Variants in SLC9A3 observed in about 807,000 individuals in gnomAD.
The protein encoded by SLC9A3 is solute carrier family 9 member A3, also known as sodium/hydrogen exchanger 3.
Under a neutral mutation model 86.8 loss-of-function variants are expected in SLC9A3, and 37 were observed. The observed-to-expected ratio is 0.43, with a 90% CI of 0.33 to 0.56. The LOEUF (loss-of-function observed/expected upper bound fraction) is 0.56. Among genes scored for constraint, SLC9A3 ranks in the 20% least tolerant of loss-of-function variants. The pLI is 0.06. For missense variants in SLC9A3, 1,011 were observed against 1,171.9 expected (o/e 0.86, Z 2.00); for synonymous variants, 581 against 528.3 (o/e 1.10, Z -1.37).
intron 1 of SLC9A3, among the ~76,000 whole-genome samples, chr5:521,799 C>T (rs1733891495): frequency 6.6e-6 from 1 of 152,166 alleles, no homozygotes; most frequent in Admixed American, 6.5e-5. Flanking sequence ...GCACCTGAGG[C>T]TGGCTGCACA....
chr5:523,290 C>A (rs973047336), intron 1 of SLC9A3, among the ~76,000 whole-genome samples: 1 of 152,174 alleles, frequency 6.6e-6, no homozygotes, highest in Non-Finnish European at 1.5e-5. Context: ...CGCCCCTCCT[C>A]GGCCCCAGCA....
At chr5:512,560 A>G (rs1733585650) in intron 1 of SLC9A3, among the ~76,000 whole-genome samples, 1 of 152,202 alleles carries the variant, frequency 6.6e-6, no homozygotes, top group Non-Finnish European at 1.5e-5. Context: ...TATCACACCA[A>G]TGCCACCTGT....
chr5:487,827 C>T (rs577849470), intron 3 of SLC9A3, among the ~76,000 whole-genome samples: 2 of 152,342 alleles, frequency 1.3e-5, no homozygotes, highest in Non-Finnish European at 2.9e-5. Flanking sequence ...GCCACCACCC[C>T]TGGCTAATTT....
chr5:472,069 G>A lies in SLC9A3; in HGVS notation c.*1310C>T, dbSNP rs1000301955. 1 of 450,034 alleles carries A rather than the reference G, an allele frequency of 2.2e-6. No individual in the cohort carries two copies. Among genetic ancestry groups the A allele is most frequent in the African/African-American group, 2.0e-5 (1 of 50,008 alleles). The allele number at this position is 450,034 out of a possible 1,614,324, so 27.9% of individuals were successfully genotyped here. A position where few individuals can be genotyped will look rare whatever the true frequency, so the allele number is the denominator to read the frequency against. ...TCCACCACTTCCACCGTGCAGGCAGGTTTCAGGTGGGTTGGACCCTGTGGG... is the reference window on the plus strand; with the variant it reads ...TCCACCACTTCCACCGTGCAGGCAGATTTCAGGTGGGTTGGACCCTGTGGG... On this transcript the variant is annotated 3_prime_UTR_variant, in exon 17 of 17. Coordinates refer to ENST00000264938, the MANE Select transcript of SLC9A3 (RefSeq NM_004174.4).
In SLC9A3 at chr5:484,687, G is replaced by A. The variant is rs1451616495; in HGVS notation, c.765C>T (p.Phe255=). 24 of 1,612,954 alleles carry A rather than the reference G, an allele frequency of 1.5e-5. No homozygotes were observed. Among genetic ancestry groups the A allele is most frequent in the Non-Finnish European group, 1.9e-5 (23 of 1,179,924 alleles). ...CCAGCGTGCCCCCCAGGCTCACCAC[G>A]AAGAAGGACACTGGGTAGAGGACGC... ...VDCVKGIVSF[F]VVSLGGTLVG... is the part of the protein sequence containing the mutation. Residue 255 remains phenylalanine (F), a synonymous_variant, in exon 5 of 17, where the codon TTC becomes TTT. Coordinates refer to ENST00000264938, the MANE Select transcript of SLC9A3 (RefSeq NM_004174.4).
At chr5:518,760 G>A (rs1490747732) in intron 1 of SLC9A3, among the ~76,000 whole-genome samples, 5 of 152,182 alleles carry the variant, frequency 3.3e-5, no homozygotes, top group Admixed American at 6.5e-5. Context: ...GCCCAGACAG[G>A]CATCTTAACA....
chr5:482,513 G>A (rs1349383270), intron 7 of SLC9A3, 35 bp downstream of exon 7: 2 of 1,560,780 alleles, frequency 1.3e-6, no homozygotes, highest in Non-Finnish European at 1.8e-6. Flanking sequence ...CGCGGGCGGG[G>A]CCGAGACCCC....
In SLC9A3 at chr5:472,511, C is replaced by T; in HGVS notation, c.*868G>A. On this transcript the variant is annotated 3_prime_UTR_variant, in exon 17 of 17. Coordinates refer to ENST00000264938, the MANE Select transcript of SLC9A3 (RefSeq NM_004174.4). ...CGGGCGACCTCCGCGCCAGGTGCGA[C>T]AGCTCAGGCCGGAGACCTCGTCTGT... 1 of 335,870 alleles carries T rather than the reference C, an allele frequency of 3.0e-6. No individual in the cohort carries two copies. Among genetic ancestry groups the T allele is most frequent in the South Asian group, 2.1e-5 (1 of 47,268 alleles). 20.8% of individuals were successfully genotyped at this position (335,870 alleles called of 1,614,324 possible).
chr5:500,611 G>A (rs911316912), intron 1 of SLC9A3, among the ~76,000 whole-genome samples: 18 of 146,082 alleles, frequency 1.2e-4, no homozygotes, highest in Non-Finnish European at 1.5e-4. Flanking sequence ...GGAAGGGGCC[G>A]GTGTGGATGG....
chr5:484,709 A>G lies in SLC9A3; in HGVS notation c.755-12T>C. 1 of 1,611,408 alleles carries G rather than the reference A, an allele frequency of 6.2e-7. No individual in the cohort carries two copies. The highest frequency in any genetic ancestry group is 8.5e-7 in the Non-Finnish European group (1 of 1,178,810). On this transcript the variant is annotated splice_polypyrimidine_tract_variant and intron_variant, in intron 4 of 16. Coordinates refer to ENST00000264938, the MANE Select transcript of SLC9A3 (RefSeq NM_004174.4). ...CACGAAGAAGGACACTGGGTAGAGG[A>G]CGCCCTTTGTGGCCGTGCCGGCCTT...
rs557394751 is a variant in SLC9A3 at position 496,444 on chromosome 5, G to A, written c.212-4373C>T. 6.6e-6 allele frequency among the ~76,000 whole-genome samples: 1 copy of A among 152,372 alleles called. No homozygotes were observed. The highest frequency in any genetic ancestry group is 1.9e-4 in the East Asian group (1 of 5,190). ...GCGTGAACGACCCCGTTCTGTGAAAGTGTCGGCTTGCTCCCCTGCCGGGCA... is the reference window on the plus strand; with the variant it reads ...GCGTGAACGACCCCGTTCTGTGAAAATGTCGGCTTGCTCCCCTGCCGGGCA... On this transcript the variant is annotated intron_variant, in intron 1 of 16. Transcript: ENST00000264938. This position sits in a 1 kb window ranked among gnomAD's most constrained non-coding sequence, Gnocchi z 4.7.
chr5:511,846 A>G (rs946195795), intron 1 of SLC9A3, among the ~76,000 whole-genome samples: 12 of 152,272 alleles, frequency 7.9e-5, no homozygotes, highest in African/African-American at 2.9e-4. Flanking sequence ...AGCTTTATTC[A>G]TAATCACCAA....
chr5:523,538 G>C (rs973083213), intron 1 of SLC9A3, among the ~76,000 whole-genome samples: 1 of 150,936 alleles, frequency 6.6e-6, no homozygotes, highest in Non-Finnish European at 1.5e-5. Flanking sequence ...GCTACCTGCC[G>C]TGCCCACATT....
At chr5:500,846 G>T (rs950687876) in intron 1 of SLC9A3, among the ~76,000 whole-genome samples, 2 of 151,342 alleles carry the variant, frequency 1.3e-5, no homozygotes, top group African/African-American at 4.9e-5. Flanking sequence ...TGTGGACGGG[G>T]CTGGTGTGGA....
At chr5:477,515 G>A in intron 10 of SLC9A3, 71 bp from the exon 11 acceptor site, 1 of 1,184,646 alleles carries the variant, frequency 8.4e-7, no homozygotes, top group East Asian at 2.7e-5. Context: ...GTGTGCCCTG[G>A]GGGGAAGCGC....
At chr5:478,725 C>T (rs1238399028) in intron 10 of SLC9A3, 1 of 154,598 alleles carries the variant, frequency 6.5e-6, no homozygotes, top group African/African-American at 2.4e-5. Context: ...GGCCAGAGCC[C>T]CCACTGTCCC....
intron 1 of SLC9A3, among the ~76,000 whole-genome samples, chr5:511,407 G>A (rs775416200): frequency 2.6e-5 from 4 of 152,134 alleles, no homozygotes; most frequent in Non-Finnish European, 4.4e-5. Context: ...ATCTCCTAAA[G>A]AGTTTATCAT....
At chr5:478,332 A>G (rs10062053) in intron 10 of SLC9A3, 38,643 of 152,274 alleles carry the variant, frequency 0.25, 5,517 homozygotes, top group Non-Finnish European at 0.31. Context: ...CAGGGGAGCC[A>G]CGGTGCTAAC....
rs1738629607 is a variant in SLC9A3 at position 475,072 on chromosome 5, A to G, written c.2312T>C (p.Leu771Pro). ...EALDRSLLAR[L>P]PPWLSPGETV... is the part of the protein sequence containing the mutation. ...CTCCCCGGGAGACAGCCAGGGCGGCAGCCTGGCCAGGAGGCTGCGGTCCAG... is the reference window on the plus strand; with the variant it reads ...CTCCCCGGGAGACAGCCAGGGCGGCGGCCTGGCCAGGAGGCTGCGGTCCAG... Residue 771 changes from leucine (L) to proline (P), a missense_variant, in exon 16 of 17, where the codon CTG becomes CCG. Leu to Pro is a moderately conservative substitution (Grantham distance 98, BLOSUM62 -3). Transcript: ENST00000264938. 1 of 1,611,778 alleles carries G rather than the reference A, an allele frequency of 6.2e-7. No homozygotes were observed. Among genetic ancestry groups the G allele is most frequent in the Non-Finnish European group, 8.5e-7 (1 of 1,179,386 alleles).
Sources: allele counts gnomAD v4.1 joint callset (sites outside exome capture counted in the v4.1 genomes callset), GRCh38; gene constraint gnomAD v4.1.1; non-coding constraint Gnocchi (gnomAD v3.1); transcripts MANE v1.5; gene names NCBI Gene and HGNC (gene_info 2026-07-23, HGNC 2026-07-21).